SLC24A2: variants seen among roughly 807,000 people sequenced by gnomAD.
SLC24A2 encodes sodium/potassium/calcium exchanger 2.
A neutral mutation model predicts 62.0 loss-of-function variants in SLC24A2; 36 were observed. The observed-to-expected ratio is 0.58, with a 90% confidence interval of 0.44 to 0.77. The LOEUF (loss-of-function observed/expected upper bound fraction) is 0.77, where lower values mean the gene tolerates loss of function less well. Among genes scored for constraint, SLC24A2 ranks in the 30% least tolerant of loss-of-function variants. The probability of loss-of-function intolerance (pLI) is 0.00; values close to 1 mark genes in which losing one functional copy is unlikely to be tolerated. For missense variants in SLC24A2, 846 were observed against 817.9 expected (o/e 1.03, Z -0.42); for synonymous variants, 358 against 294.0 (o/e 1.22, Z -2.23).
chr9:20,086,846 C>G, the SLC24A2 span, among the ~76,000 whole-genome samples: 1 of 152,222 alleles, frequency 6.6e-6, no homozygotes, highest in Admixed American at 6.5e-5. Context: ...AGAAGACACT[C>G]ACTGGTGTTG....
the SLC24A2 span, among the ~76,000 whole-genome samples, chr9:20,180,484 A>T: frequency 1.3e-5 from 2 of 152,172 alleles, no homozygotes. Flanking sequence ...TTAAAAATTC[A>T]TCCAAAAATT....
At chr9:19,784,656 G>A (rs1823109426) in intron 2 of SLC24A2, among the ~76,000 whole-genome samples, 1 of 152,102 alleles carries the variant, frequency 6.6e-6, no homozygotes, top group Non-Finnish European at 1.5e-5. Context: ...TTCCAATGAT[G>A]GTCCTATTTT....
Position 19,516,165 on chromosome 9 carries a change from G to A in SLC24A2, c.1974C>T (p.Pro658=), listed in dbSNP as rs373128943. 2.8e-5 allele frequency: 45 copies of A among 1,613,958 alleles called. No homozygotes were observed. Among genetic ancestry groups the A allele is most frequent in the East Asian group, 1.1e-4 (5 of 44,890 alleles). The part of the protein sequence containing the change: ...VLLEDRILTC[P]VSI ...ATGGCTTTTCCTGCTAGATGGAGAC[G>A]GGGCATGTAAGAATTCTGTCTTCTA... is the stretch of plus-strand genomic sequence containing the variant. The change falls in exon 11 of 11, where the codon CCC becomes CCT. Residue 658 remains proline (P), a synonymous_variant. Transcript: ENST00000341998.
chr9:20,222,774 C>G, the SLC24A2 span, among the ~76,000 whole-genome samples: 4 of 151,948 alleles, frequency 2.6e-5, no homozygotes, highest in African/African-American at 9.7e-5. Flanking sequence ...TGATATTTGT[C>G]AAGATTTTTA....
At chr9:19,745,098 G>A (rs1483992844) in intron 2 of SLC24A2, among the ~76,000 whole-genome samples, 3 of 152,136 alleles carry the variant, frequency 2.0e-5, no homozygotes, top group Non-Finnish European at 4.4e-5. Flanking sequence ...TTGGTATTGA[G>A]TGAGTTCTTG....
chr9:19,739,086 C>A (rs1821597131), intron 2 of SLC24A2, among the ~76,000 whole-genome samples: 1 of 152,178 alleles, frequency 6.6e-6, no homozygotes. Context: ...CACTGCACTC[C>A]ATCCGGGGTG....
the SLC24A2 span, among the ~76,000 whole-genome samples, chr9:19,826,695 T>G: frequency 1.3e-5 from 2 of 152,314 alleles, no homozygotes; most frequent in African/African-American, 4.8e-5. Flanking sequence ...TAATAAGGCA[T>G]TAATCTCATC....
At chr9:20,306,564 C>A in the SLC24A2 span, among the ~76,000 whole-genome samples, 1 of 152,238 alleles carries the variant, frequency 6.6e-6, no homozygotes, top group Non-Finnish European at 1.5e-5. Context: ...GACCCTCTGG[C>A]GGGATTACCA....
intron 4 of SLC24A2, among the ~76,000 whole-genome samples, 153 bp downstream of exon 4, chr9:19,619,431 C>A (rs1348913239): frequency 6.6e-6 from 1 of 152,152 alleles, no homozygotes; most frequent in South Asian, 2.1e-4. Flanking sequence ...GCAGATAAAG[C>A]ACGTCAAAGG....
At chr9:19,971,707 C>A in the SLC24A2 span, among the ~76,000 whole-genome samples, 1 of 152,092 alleles carries the variant, frequency 6.6e-6, no homozygotes, top group East Asian at 1.9e-4. Context: ...TGTGTGGGGA[C>A]TGACCAGGAG....
chr9:20,151,769 C>G, the SLC24A2 span, among the ~76,000 whole-genome samples: 1 of 151,796 alleles, frequency 6.6e-6, no homozygotes, highest in Admixed American at 6.6e-5. Flanking sequence ...ACTACATATT[C>G]TGGTTCACTT....
chr9:19,697,273 G>C (rs1820220274), intron 2 of SLC24A2, among the ~76,000 whole-genome samples: 1 of 152,048 alleles, frequency 6.6e-6, no homozygotes, highest in Non-Finnish European at 1.5e-5. Flanking sequence ...ACACACACTG[G>C]GGCCTGCCGG....
chr9:19,775,881 A>C (rs867009720), intron 2 of SLC24A2, among the ~76,000 whole-genome samples: 1 of 152,216 alleles, frequency 6.6e-6, no homozygotes, highest in African/African-American at 2.4e-5. Context: ...ACAGCTTTGC[A>C]GGGCAGCCCT....
At chr9:20,252,406 G>A in the SLC24A2 span, among the ~76,000 whole-genome samples, 2 of 152,132 alleles carry the variant, frequency 1.3e-5, no homozygotes, top group African/African-American at 4.8e-5. Flanking sequence ...CACTGTGTCT[G>A]GTGTCTCATG....
At chr9:20,178,641 G>A in the SLC24A2 span, among the ~76,000 whole-genome samples, 6 of 152,094 alleles carry the variant, frequency 3.9e-5, no homozygotes, top group Middle Eastern at 3.2e-3. Flanking sequence ...CTGATAAGGA[G>A]GAATAGACTT....
the SLC24A2 span, chr9:19,928,102 T>C: frequency 6.6e-6 from 1 of 152,282 alleles, no homozygotes; most frequent in Admixed American, 6.5e-5. Flanking sequence ...CTCCTAGGGG[T>C]TGGTTACACA....
At chr9:20,225,841 G>A in the SLC24A2 span, among the ~76,000 whole-genome samples, 4 of 151,884 alleles carry the variant, frequency 2.6e-5, no homozygotes, top group East Asian at 5.9e-4. Flanking sequence ...ATGGGTCTGA[G>A]GATATTGTTT....
chr9:19,572,224 C>T (rs2132840954), intron 7 of SLC24A2, among the ~76,000 whole-genome samples: 1 of 130,226 alleles, frequency 7.7e-6, no homozygotes, highest in Non-Finnish European at 1.6e-5. Flanking sequence ...TGAGTCACTG[C>T]ACTCCAGGCT....
In SLC24A2 at chr9:19,548,727, C is replaced by T. The variant is rs1292742327; in HGVS notation, c.1479+1410G>A. 2.0e-5 allele frequency among the ~76,000 whole-genome samples: 3 copies of T among 152,230 alleles called. No homozygotes were observed. In the East Asian group the frequency reaches 5.8e-4, roughly 29 times the overall value. On this transcript the variant is annotated intron_variant, in intron 8 of 10. Transcript: ENST00000341998. ...AAAATGGAGCTGTCCACAATGCTCT[C>T]CTCCCTGTGCAGTCCCCCTTTGAGA...
Sources: gnomAD v4.1 joint callset for allele counts (sites outside exome capture counted in the v4.1 genomes callset) on GRCh38, gnomAD v4.1.1 for gene constraint, MANE v1.5 for transcripts, NCBI Gene and HGNC (gene_info 2026-07-23, HGNC 2026-07-21) for gene names.